VSIG2: variants seen among roughly 807,000 people sequenced by gnomAD.
VSIG2 encodes the protein V-set and immunoglobulin domain containing 2, also known as V-set and immunoglobulin domain-containing protein 2.
Under a neutral mutation model 29.4 loss-of-function variants are expected in VSIG2, and 30 were observed. The observed-to-expected ratio is 1.02, with a 90% CI of 0.76 to 1.38. The LOEUF (loss-of-function observed/expected upper bound fraction) is 1.38, where lower values mean the gene tolerates loss of function less well. Ranked by LOEUF, VSIG2 falls within the 40% of genes most tolerant of loss-of-function variation. The pLI is 0.00. For synonymous variants in VSIG2, 178 were observed against 174.2 expected (o/e 1.02, Z -0.17); for missense variants, 421 against 400.8 (o/e 1.05, Z -0.43).
chr11:124,749,770 G>A lies in VSIG2; in HGVS notation c.524C>T (p.Pro175Leu), dbSNP rs774788113. 2.5e-6 allele frequency: 4 copies of A among 1,612,362 alleles called. No individual in the cohort carries two copies. The highest frequency in any genetic ancestry group is 3.4e-6 in the Non-Finnish European group (4 of 1,179,464). ...RCSSSEGAPK[P>L]VYNWVRLGTF... ...TCCAAGACGCACCCAGTTGTACACT[G>A]GCTTAGGAGCCCCCTCGGAAGAGCT... The change falls in exon 4 of 7, where the codon CCA becomes CTA. Residue 175 changes from proline to leucine, a missense_variant. Coordinates refer to ENST00000326621, the MANE Select transcript of VSIG2 (RefSeq NM_014312.5).
At chr11:124,748,306 T>C in intron 6 of VSIG2, 84 bp downstream of exon 6, 1 of 1,403,724 alleles carries the variant, frequency 7.1e-7, no homozygotes, top group Non-Finnish European at 9.8e-7. Flanking sequence ...CTGAATGATG[T>C]CGGAGTTTGA....
rs879179017 is a variant in VSIG2, at chr11:124,747,678, T to C, written c.852-11A>G. On this transcript the variant is annotated splice_polypyrimidine_tract_variant and intron_variant, in intron 6 of 6. Coordinates refer to ENST00000326621, the MANE Select transcript of VSIG2 (RefSeq NM_014312.5). The stretch of plus-strand genomic sequence containing the variant: ...GCGATGGCATCCTCCCTGATGGGTA[T>C]AGGCAAGTTCTGAGTGAACAGTAGA... 25 of 1,612,726 alleles carry C rather than the reference T, an allele frequency of 1.6e-5. No individual in the cohort carries two copies. The highest frequency in any genetic ancestry group is 2.0e-5 in the Non-Finnish European group (23 of 1,179,472).
chr11:124,749,885 A>AAAACAAAAAAAAAC lies in VSIG2; in HGVS notation c.428-20_428-19insGTTTTTTTTTGTTT, dbSNP rs1555108852. The AAAACAAAAAAAAAC allele has an allele frequency of 1.9e-3, 2,728 of 1,418,604 alleles. 85 individuals are homozygous for AAAACAAAAAAAAAC. In the African/African-American group the frequency reaches 0.046, roughly 24 times the overall value. 87.9% of individuals were successfully genotyped at this position (1,418,604 alleles called of 1,614,324 possible). On this transcript the variant is annotated intron_variant, in intron 3 of 6. Coordinates refer to ENST00000326621, the MANE Select transcript of VSIG2 (RefSeq NM_014312.5). ...GGGGGAACTGCAAAAAAAAAAAAAA[A>AAAACAAAAAAAAAC]AAAAAAAAAACAGAAAGTTCCTCAG...
In VSIG2 at chr11:124,747,488, TTTAA is replaced by T. The variant is rs1944027730; in HGVS notation, c.*43_*46del. On this transcript the variant is annotated 3_prime_UTR_variant, in exon 7 of 7. Transcript: ENST00000326621. ...AGGAGACAGTATGGTACCCACAGAC[TTTAA>T]TTATTGATATTCCCCCTCACCGCCC... The T allele has an allele frequency of 1.5e-5, 23 of 1,581,204 alleles. No homozygotes were observed. The highest frequency in any genetic ancestry group is 1.6e-5 in the Non-Finnish European group (19 of 1,164,870).
In VSIG2 at chr11:124,751,428, G is replaced by A. The variant is rs1386472507; in HGVS notation, c.214C>T (p.His72Tyr). The change falls in exon 2 of 7, where the codon CAT becomes TAT. Residue 72 changes from histidine to tyrosine, a missense_variant. Physicochemically the swap from His to Tyr is moderately conservative, Grantham distance 83. Transcript: ENST00000326621. Reference protein sequence around the residue: ...VQPGKPISESHPILYFTNGHL... With the variant: ...VQPGKPISESYPILYFTNGHL... ...TGCAGTCGCTCTCAGCTCACTGGAT[G>A]GGACTCAGAGATGGGTTTCCCAGGC... The A allele has an allele frequency of 6.2e-7, 1 of 1,611,960 alleles. No homozygotes were observed. Among genetic ancestry groups the A allele is most frequent in the Non-Finnish European group, 8.5e-7 (1 of 1,179,994 alleles).
At position 124,750,514 on chromosome 11, in the gene VSIG2, G is replaced by A. The variant is rs192781183; in HGVS notation, c.427+200C>T. 8.5e-5 allele frequency among the ~76,000 whole-genome samples: 13 copies of A among 152,312 alleles called. No individual in the cohort carries two copies. In the East Asian group the frequency reaches 2.5e-3, roughly 29 times the overall value. On this transcript the variant is annotated intron_variant, in intron 3 of 6. Coordinates refer to ENST00000326621, the MANE Select transcript of VSIG2 (RefSeq NM_014312.5). ...ACTCTGTTATTAGGCTCTGATGGAGGAGATGCTCTCGGTGGAGGGTGGAGT... is the reference window on the plus strand; with the variant it reads ...ACTCTGTTATTAGGCTCTGATGGAGAAGATGCTCTCGGTGGAGGGTGGAGT...
chr11:124,747,717 G>C, intron 6 of VSIG2, 50 bp from the exon 7 acceptor site: 9 of 1,584,072 alleles, frequency 5.7e-6, no homozygotes, highest in Non-Finnish European at 6.9e-6. Context: ...CTCCTGCGGA[G>C]GAGGGCCGTC....
Position 124,750,762 on chromosome 11 carries a change from G to T in VSIG2, c.379C>A (p.Pro127Thr). 4.3e-6 allele frequency: 7 copies of T among 1,611,248 alleles called. No homozygotes were observed. The South Asian group carries it at 7.7e-5, about 18-fold the overall frequency. The change falls in exon 3 of 7, where the codon CCA (proline) becomes ACA (threonine). Residue 127 changes from proline to threonine, a missense_variant. Coordinates refer to ENST00000326621, the MANE Select transcript of VSIG2 (RefSeq NM_014312.5). ...CCCAACCCATTGGTGTAGAAATCTG[G>T]TGGGTTGTTGACTTGGCAGAGGTAG... ...GTYLCQVNNPPDFYTNGLGLI... is the reference protein window; with the variant it reads ...GTYLCQVNNPTDFYTNGLGLI...
In VSIG2 at chr11:124,748,730, AG is replaced by A. The variant is rs1944046470; in HGVS notation, c.619del (p.Leu207SerfsTer3). The A allele has an allele frequency of 6.2e-7, 1 of 1,613,928 alleles. No individual in the cohort carries two copies. Among genetic ancestry groups the A allele is most frequent in the South Asian group, 1.1e-5 (1 of 91,068 alleles). Reference sequence around the variant, plus strand: ...GTAGGTGCCCGAGGAGGTCAGGGAGAGGTTGGTGAGAATGAGCTGGCCAGAC... The same window carrying A: ...GTAGGTGCCCGAGGAGGTCAGGGAGAGTTGGTGAGAATGAGCTGGCCAGAC... ...EVSGQLILTN[L>X]SLTSSGTYRC... On this transcript the variant is annotated frameshift_variant, in exon 5 of 7. Transcript: ENST00000326621. LOFTEE classifies it high-confidence loss of function.
chr11:124,752,058 C>T lies in VSIG2; in HGVS notation c.61+19G>A, dbSNP rs955379672. On this transcript the variant is annotated intron_variant, in intron 1 of 6. Coordinates refer to ENST00000326621, the MANE Select transcript of VSIG2 (RefSeq NM_014312.5). ...ATGCCCCCCAGCCCTCGCCGTGGTC[C>T]CGCCCGGCCCCTCCTCACCACTCAG... 1.9e-6 allele frequency: 3 copies of T among 1,592,154 alleles called. No individual in the cohort carries two copies. Among genetic ancestry groups the T allele is most frequent in the Middle Eastern group, 1.9e-4 (1 of 5,300 alleles).
At chr11:124,749,424 A>G (rs892229090) in intron 4 of VSIG2, among the ~76,000 whole-genome samples, 4 of 152,142 alleles carry the variant, frequency 2.6e-5, no homozygotes, top group African/African-American at 9.7e-5. Flanking sequence ...AAATCTCCCC[A>G]AGGCAGATGG....
chr11:124,750,994 A>G (rs958214190), intron 2 of VSIG2, 73 bp from the exon 3 acceptor site: 2 of 1,509,488 alleles, frequency 1.3e-6, no homozygotes, highest in Admixed American at 1.7e-5. Context: ...TTCCTCATCA[A>G]AGTGGGTATA....
Position 124,750,842 on chromosome 11 carries a change from G to T in VSIG2, c.299C>A (p.Thr100Lys), listed in dbSNP as rs2134452991. 1 of 1,614,176 alleles carries T rather than the reference G, an allele frequency of 6.2e-7. No individual in the cohort carries two copies. The highest frequency in any genetic ancestry group is 1.7e-4 in the Middle Eastern group (1 of 6,058). The change falls in exon 3 of 7, where the codon ACA (threonine) becomes AAA (lysine). Residue 100 changes from threonine (T) to lysine (K), a missense_variant. Transcript: ENST00000326621. ...KRVSLLQNPP[T>K]VGVATLKLTD... ...CAGTTTCAGTGTGGCCACCCCCACT[G>T]TGGGGGGGTTCTGAAGCAGGCTGAC...
chr11:124,749,972 TCAAA>T, intron 3 of VSIG2, 106 bp from the exon 4 acceptor site: 1 of 1,289,242 alleles, frequency 7.8e-7, no homozygotes. Context: ...AATACCCCTA[TCAAA>T]CAGTGGTCCT....
Position 124,747,527 on chromosome 11 carries a change from G to C in VSIG2, c.*8C>G. ...TTCCCCCTCACCGCCCTCAGGGATC[G>C]GGAGAAGTCACACGACCATAGGGAG... On this transcript the variant is annotated 3_prime_UTR_variant, in exon 7 of 7. Transcript: ENST00000326621. 3 of 1,603,266 alleles carry C rather than the reference G, an allele frequency of 1.9e-6. No homozygotes were observed. The highest frequency in any genetic ancestry group is 2.6e-6 in the Non-Finnish European group (3 of 1,175,368).
intron 3 of VSIG2, among the ~76,000 whole-genome samples, chr11:124,750,288 C>T (rs781444487): frequency 6.6e-6 from 1 of 152,222 alleles, no homozygotes; most frequent in African/African-American, 2.4e-5. Context: ...TGAAAAGGCT[C>T]TAGTTTGGGG....
At position 124,747,624 on chromosome 11, in the gene VSIG2, T is replaced by A; in HGVS notation, c.895A>T (p.Arg299Trp). Residue 299 changes from arginine to tryptophan, a missense_variant, in exon 7 of 7, where the codon AGG becomes TGG. Coordinates refer to ENST00000326621, the MANE Select transcript of VSIG2 (RefSeq NM_014312.5). The stretch of plus-strand genomic sequence containing the variant: ...AGGAACCCCTTGCTAGAATCAGCCC[T>A]CATACAAGTGTGCTCAGAGATCCCA... Reference protein sequence around the residue: ...APGISEHTCMRADSSKGFLER... With the variant: ...APGISEHTCMWADSSKGFLER... 1 of 1,613,826 alleles carries A rather than the reference T, an allele frequency of 6.2e-7. No individual in the cohort carries two copies. Among genetic ancestry groups the A allele is most frequent in the Non-Finnish European group, 8.5e-7 (1 of 1,179,902 alleles).
In VSIG2 at chr11:124,752,111, G is replaced by A. The variant is rs1944094028; in HGVS notation, c.27C>T (p.Leu9=). The change falls in exon 1 of 7, where the codon CTC becomes CTT. Residue 9 remains leucine (L), a synonymous_variant. Coordinates refer to ENST00000326621, the MANE Select transcript of VSIG2 (RefSeq NM_014312.5). The part of the protein sequence containing the change: MAELPGPF[L]CGALLGFLCL... Reference sequence around the variant, plus strand: ...ACAGGAAGCCTAGCAGGGCCCCGCAGAGAAAGGGCCCCGGGAGCTCGGCCA... The same window carrying A: ...ACAGGAAGCCTAGCAGGGCCCCGCAAAGAAAGGGCCCCGGGAGCTCGGCCA... 1 of 1,606,212 alleles carries A rather than the reference G, an allele frequency of 6.2e-7. No homozygotes were observed. Among genetic ancestry groups the A allele is most frequent in the Non-Finnish European group, 8.5e-7 (1 of 1,178,784 alleles).
At chr11:124,748,160 C>G (rs1035978841) in intron 6 of VSIG2, 2 of 535,608 alleles carry the variant, frequency 3.7e-6, no homozygotes, top group Non-Finnish European at 6.5e-6. Context: ...GGCAGTCCTG[C>G]AAACAGCTTC....
Sources: allele counts gnomAD v4.1 joint callset (sites outside exome capture counted in the v4.1 genomes callset), GRCh38; gene constraint gnomAD v4.1.1; transcripts MANE v1.5; gene names NCBI Gene and HGNC (gene_info 2026-07-23, HGNC 2026-07-21).